The following STYX variants were observed in gnomAD, a reference collection of about 807,000 sequenced individuals.
The protein encoded by STYX is serine/threonine/tyrosine interacting protein.
STYX carries 20 observed loss-of-function variants against 42.7 expected under a neutral mutation model. The observed-to-expected ratio is 0.47, with a 90% CI of 0.33 to 0.68. The LOEUF is 0.68. Ranked by LOEUF, STYX falls within the 30% of genes least tolerant of loss-of-function variation. The pLI is 0.02. For missense variants in STYX, 226 were observed against 268.5 expected, an observed-to-expected ratio of 0.84 and a Z score of 1.11; for synonymous variants, 78 against 81.9, an observed-to-expected ratio of 0.95 and a Z score of 0.26.
At chr14:52,763,999 G>T (rs532941937) in intron 9 of STYX, among the ~76,000 whole-genome samples, 197 of 151,896 alleles carry the variant, frequency 1.3e-3, no homozygotes, top group African/African-American at 4.5e-3. Context: ...AGGGTTTTTT[G>T]TTGTTGTTGT....
chr14:52,760,448 C>A (rs1246159258), intron 9 of STYX, among the ~76,000 whole-genome samples: 3 of 152,120 alleles, frequency 2.0e-5, no homozygotes, highest in Non-Finnish European at 4.4e-5. Context: ...CTGGCAGATG[C>A]ACTGACAAAG....
chr14:52,738,846 C>T (rs1365888565), intron 1 of STYX, among the ~76,000 whole-genome samples: 2 of 152,182 alleles, frequency 1.3e-5, no homozygotes, highest in Non-Finnish European at 2.9e-5. Context: ...CCCAGACAAA[C>T]TGACACAAAG....
intron 2 of STYX, 66 bp downstream of exon 2, chr14:52,744,950 A>G (rs1881337102): frequency 2.1e-6 from 3 of 1,446,038 alleles, no homozygotes; most frequent in South Asian, 1.2e-5. Flanking sequence ...CTTAGTTTAT[A>G]GGATTTGAGA....
At chr14:52,735,849 C>G (rs527789860) in intron 1 of STYX, among the ~76,000 whole-genome samples, 2 of 152,164 alleles carry the variant, frequency 1.3e-5, no homozygotes, top group Non-Finnish European at 2.9e-5. Context: ...TATTGGTATT[C>G]TTTGTATAGG....
At chr14:52,766,371 G>A (rs1477135621) in intron 9 of STYX, among the ~76,000 whole-genome samples, 3 of 152,144 alleles carry the variant, frequency 2.0e-5, no homozygotes, top group Non-Finnish European at 4.4e-5. Context: ...GTTTCACCAT[G>A]TAAGCCAGGC....
intron 3 of STYX, among the ~76,000 whole-genome samples, chr14:52,749,469 AT>A (rs1433234552): frequency 6.6e-6 from 1 of 152,218 alleles, no homozygotes; most frequent in Non-Finnish European, 1.5e-5. Context: ...GTGTCAAGAA[AT>A]TCAAGGTTAT....
In STYX at chr14:52,769,028, A is replaced by G. The variant is rs544623935; in HGVS notation, c.598+95A>G. 5 of 897,438 alleles carry G rather than the reference A, an allele frequency of 5.6e-6. No individual in the cohort carries two copies. The African/African-American group carries it at 8.5e-5, about 15-fold the overall frequency. 55.6% of individuals were successfully genotyped at this position (897,438 alleles called of 1,614,324 possible). On this transcript the variant is annotated intron_variant, in intron 10 of 10. Transcript: ENST00000354586. ...TTACACTGAACAATTTAAATTGTTT[A>G]GAAAACTTGTTAAACTATTGAGCTA...
At chr14:52,770,935 T>C (rs1882485838) in intron 10 of STYX, 98 bp from the exon 11 acceptor site, 5 of 980,144 alleles carry the variant, frequency 5.1e-6, no homozygotes, top group Non-Finnish European at 7.8e-6. Flanking sequence ...ATTTTCATAG[T>C]GTATACATGA....
At chr14:52,733,532 C>A (rs1048565571) in intron 1 of STYX, among the ~76,000 whole-genome samples, 17 of 152,308 alleles carry the variant, frequency 1.1e-4, no homozygotes, top group African/African-American at 3.6e-4. Flanking sequence ...TAGGTTGTCA[C>A]CTATACACTC....
intron 8 of STYX, 125 bp downstream of exon 8, chr14:52,758,049 A>G: frequency 9.7e-7 from 1 of 1,029,174 alleles, no homozygotes; most frequent in Non-Finnish European, 1.4e-6. Context: ...ATGTTTGATT[A>G]GGCAGGCCCT....
At chr14:52,758,815 C>A (rs1881975661) in intron 8 of STYX, among the ~76,000 whole-genome samples, 1 of 152,112 alleles carries the variant, frequency 6.6e-6, no homozygotes, top group Admixed American at 6.6e-5. Flanking sequence ...ACCTTGTGAT[C>A]CACCTGCCTC....
At chr14:52,744,970 T>G in intron 2 of STYX, 86 bp downstream of exon 2, 1 of 1,127,334 alleles carries the variant, frequency 8.9e-7, no homozygotes. Flanking sequence ...ACCTGCTGAT[T>G]TCATGATCTG....
At chr14:52,764,773 A>C (rs1275054467) in intron 9 of STYX, among the ~76,000 whole-genome samples, 4 of 145,318 alleles carry the variant, frequency 2.8e-5, no homozygotes, top group Non-Finnish European at 6.0e-5. Flanking sequence ...GGTTCAAGCG[A>C]TTCACACACC....
chr14:52,741,199 G>C (rs1881174517), intron 1 of STYX, among the ~76,000 whole-genome samples: 2 of 147,652 alleles, frequency 1.4e-5, no homozygotes, highest in East Asian at 3.9e-4. Flanking sequence ...TCTTTGTGTG[G>C]ATATATGTTT....
chr14:52,741,152 A>T (rs1489088346), intron 1 of STYX, among the ~76,000 whole-genome samples: 1 of 151,820 alleles, frequency 6.6e-6, no homozygotes, highest in African/African-American at 2.4e-5. Flanking sequence ...CTTTGAGACT[A>T]CAATAAATAA....
At chr14:52,766,887 G>A (rs1882323763) in intron 9 of STYX, among the ~76,000 whole-genome samples, 1 of 142,618 alleles carries the variant, frequency 7.0e-6, no homozygotes, top group Admixed American at 7.1e-5. Context: ...TGTTTTCCAT[G>A]TCCCATGCTG....
chr14:52,747,176 TACTC>T (rs1307135424), intron 3 of STYX, among the ~76,000 whole-genome samples: 4 of 152,228 alleles, frequency 2.6e-5, no homozygotes, highest in Non-Finnish European at 5.9e-5. Flanking sequence ...TTAATGGACT[TACTC>T]AGTTGCAGTT....
At chr14:52,735,887 C>T (rs10483617) in intron 1 of STYX, among the ~76,000 whole-genome samples, 14,028 of 152,192 alleles carry the variant, frequency 0.092, 707 homozygotes, top group South Asian at 0.15. Flanking sequence ...TTAGATCAGT[C>T]AGTTTGTGAA....
At chr14:52,734,332 A>G (rs1880861163) in intron 1 of STYX, among the ~76,000 whole-genome samples, 1 of 152,154 alleles carries the variant, frequency 6.6e-6, no homozygotes, top group South Asian at 2.1e-4. Context: ...TAGCACCTCC[A>G]GTGTTTTCAT....
Sources: gnomAD v4.1 joint callset for allele counts (sites outside exome capture counted in the v4.1 genomes callset) on GRCh38, gnomAD v4.1.1 for gene constraint, MANE v1.5 for transcripts, NCBI Gene and HGNC (gene_info 2026-07-23, HGNC 2026-07-21) for gene names.